PDE1A: variants seen among roughly 807,000 people sequenced by gnomAD.
The protein encoded by PDE1A is phosphodiesterase 1A, also known as dual specificity calcium/calmodulin-dependent 3',5'-cyclic nucleotide phosphodiesterase 1A.
A neutral mutation model predicts 61.7 loss-of-function variants in PDE1A; 35 were observed. The observed-to-expected ratio is 0.57, with a 90% CI of 0.43 to 0.75. The LOEUF (loss-of-function observed/expected upper bound fraction) is 0.75. Ranked by LOEUF, PDE1A falls within the 30% of genes least tolerant of loss-of-function variation. The pLI is 0.00. For missense variants in PDE1A, 597 were observed against 630.6 expected, an observed-to-expected ratio of 0.95 and a Z score of 0.57; for synonymous variants, 232 against 213.2, an observed-to-expected ratio of 1.09 and a Z score of -0.77.
At chr2:182,402,815 T>TA (rs1702080339) in intron 1 of PDE1A, among the ~76,000 whole-genome samples, 1 of 152,124 alleles carries the variant, frequency 6.6e-6, no homozygotes, top group Non-Finnish European at 1.5e-5. Flanking sequence ...TACAAAAACT[T>TA]AAACAAATTT....
At chr2:182,628,221 G>T in the PDE1A span, among the ~76,000 whole-genome samples, 77 of 152,156 alleles carry the variant, frequency 5.1e-4, no homozygotes, top group Non-Finnish European at 3.4e-4. Context: ...AGGATGTGAA[G>T]TAAGCAATGT....
chr2:182,217,572 G>GAA (rs1157425715), intron 7 of PDE1A, among the ~76,000 whole-genome samples: 1 of 146,842 alleles, frequency 6.8e-6, no homozygotes, highest in Non-Finnish European at 1.5e-5. Context: ...AAATTTACAA[G>GAA]AAAAAAACAA....
At chr2:182,196,756 A>G (rs574278324) in intron 10 of PDE1A, among the ~76,000 whole-genome samples, 26 of 150,604 alleles carry the variant, frequency 1.7e-4, no homozygotes, top group Non-Finnish European at 3.7e-4. Context: ...TCATTAGTCT[A>G]TTTTTCATTG....
At chr2:182,252,156 G>A (rs1247674911) in intron 2 of PDE1A, among the ~76,000 whole-genome samples, 3 of 152,100 alleles carry the variant, frequency 2.0e-5, no homozygotes, top group Non-Finnish European at 4.4e-5. Context: ...TGGTTTTAGG[G>A]ATTTTTAAAA....
chr2:182,667,543 G>C, the PDE1A span, among the ~76,000 whole-genome samples: 1 of 152,210 alleles, frequency 6.6e-6, no homozygotes, highest in African/African-American at 2.4e-5. Flanking sequence ...AGTCTCCTCA[G>C]ACAATACAGT....
chr2:182,319,781 G>A (rs758461773), intron 1 of PDE1A, among the ~76,000 whole-genome samples: 4 of 152,132 alleles, frequency 2.6e-5, no homozygotes, highest in East Asian at 1.9e-4. Context: ...AAAAATTGGC[G>A]TGACAAAGTA....
chr2:182,339,424 G>T (rs915438014), intron 1 of PDE1A, among the ~76,000 whole-genome samples: 4 of 152,060 alleles, frequency 2.6e-5, no homozygotes, highest in African/African-American at 9.7e-5. Context: ...TTTTAAAAGA[G>T]CTATAAAATT....
chr2:182,157,021 T>TA (rs1394574057), intron 13 of PDE1A, among the ~76,000 whole-genome samples: 35 of 146,786 alleles, frequency 2.4e-4, no homozygotes, highest in African/African-American at 8.5e-4. Flanking sequence ...TTTATTTTAT[T>TA]TTTTTTTTTT....
chr2:182,429,242 C>A (rs939913351), upstream of PDE1A, among the ~76,000 whole-genome samples: 103 of 152,088 alleles, frequency 6.8e-4, no homozygotes, highest in African/African-American at 2.4e-3. Flanking sequence ...TCTCAAAGAA[C>A]ATTTAAATTT....
the PDE1A span, among the ~76,000 whole-genome samples, chr2:182,689,527 C>T: frequency 6.6e-6 from 1 of 152,048 alleles, no homozygotes; most frequent in East Asian, 1.9e-4. Flanking sequence ...ACATTTAAAG[C>T]AGTGTGTAGA....
chr2:182,540,161 C>T, the PDE1A span, among the ~76,000 whole-genome samples: 1 of 151,878 alleles, frequency 6.6e-6, no homozygotes, highest in Non-Finnish European at 1.5e-5. Context: ...GTCAGGAGTT[C>T]GAACCCAGCC....
chr2:182,544,776 T>C, the PDE1A span, among the ~76,000 whole-genome samples: 2 of 152,192 alleles, frequency 1.3e-5, no homozygotes, highest in Admixed American at 6.5e-5. Flanking sequence ...TCTCTCCACA[T>C]TGGCTTCTCT....
At chr2:182,169,144 A>G (rs1295824632) in intron 13 of PDE1A, among the ~76,000 whole-genome samples, 1 of 152,086 alleles carries the variant, frequency 6.6e-6, no homozygotes, top group Admixed American at 6.6e-5. Context: ...TAGAAGGACA[A>G]TTTTGGCTAC....
intron 2 of PDE1A, among the ~76,000 whole-genome samples, chr2:182,518,587 C>A (rs1384593585): frequency 6.6e-6 from 1 of 152,070 alleles, no homozygotes; most frequent in African/African-American, 2.4e-5. Context: ...GTAAAATTAG[C>A]GATCAGATAT....
chr2:182,232,485 T>TA (rs1311506555), intron 4 of PDE1A, among the ~76,000 whole-genome samples: 2 of 152,202 alleles, frequency 1.3e-5, no homozygotes, highest in Non-Finnish European at 2.9e-5. Flanking sequence ...AAAAATCTGA[T>TA]AAAAAGTATT....
chr2:182,384,340 C>A (rs1253287235), intron 1 of PDE1A, among the ~76,000 whole-genome samples: 1 of 151,012 alleles, frequency 6.6e-6, no homozygotes, highest in African/African-American at 2.4e-5. Context: ...AACCACCTGA[C>A]AAAAAAAATT....
downstream of PDE1A, among the ~76,000 whole-genome samples, chr2:182,166,784 T>G (rs180920166): frequency 2.0e-3 from 311 of 152,288 alleles, 1 homozygote; most frequent in African/African-American, 7.2e-3. Flanking sequence ...CAAGGTGAGA[T>G]AGATGAAATA....
In PDE1A at chr2:182,209,147, A is replaced by G. The variant is rs1394849493; in HGVS notation, c.777-3082T>C. 2.6e-5 allele frequency among the ~76,000 whole-genome samples: 4 copies of G among 152,290 alleles called. No homozygotes were observed. In the East Asian group the frequency reaches 7.8e-4, roughly 30 times the overall value. ...ACATACCCAGGACTGGGCAATTTAC[A>G]AAAGAAAGAGGTTTATTGGACTTAC... On this transcript the variant is annotated intron_variant, in intron 7 of 13. Transcript: ENST00000351439.
At chr2:182,523,562 T>C (rs556054087), upstream of PDE1A, among the ~76,000 whole-genome samples, 5 of 152,330 alleles carry the variant, frequency 3.3e-5, no homozygotes, top group African/African-American at 1.2e-4. Flanking sequence ...CCAGATGTAG[T>C]TTTATTTCTT....
Sources: allele counts gnomAD v4.1 joint callset (sites outside exome capture counted in the v4.1 genomes callset), GRCh38; gene constraint gnomAD v4.1.1; transcripts MANE v1.5; gene names NCBI Gene and HGNC (gene_info 2026-07-23, HGNC 2026-07-21).